NAALADL2: variants seen among roughly 807,000 people sequenced by gnomAD.
The protein encoded by NAALADL2 is inactive N-acetylated-alpha-linked acidic dipeptidase-like protein 2.
Under a neutral mutation model 87.2 loss-of-function variants are expected in NAALADL2, and 76 were observed. The ratio of observed to expected loss-of-function variants is 0.87; its 90% CI spans 0.72 to 1.05. NAALADL2 has a LOEUF of 1.05. Ranked by LOEUF, NAALADL2 falls within the 50% of genes least tolerant of loss-of-function variation. The probability of loss-of-function intolerance (pLI) is 0.00; values close to 1 mark genes in which losing one functional copy is unlikely to be tolerated. For synonymous variants in NAALADL2, 354 were observed against 331.0 expected (o/e 1.07, Z -0.75); for missense variants, 1,089 against 945.8 (o/e 1.15, Z -1.99).
chr3:175,504,553 GTC>G (rs1237353057), intron 9 of NAALADL2, among the ~76,000 whole-genome samples: 1 of 109,256 alleles, frequency 9.2e-6, no homozygotes, highest in Non-Finnish European at 2.1e-5. Flanking sequence ...CTTTCTCTCT[GTC>G]TCTCTCTGTT....
At chr3:174,938,931 A>C (rs888483642) in intron 1 of NAALADL2, among the ~76,000 whole-genome samples, 7 of 152,082 alleles carry the variant, frequency 4.6e-5, no homozygotes. Context: ...GACCTTTGTC[A>C]GGTGCAGAGT....
chr3:174,662,500 G>A (rs1245368588), intron 2 of NAALADL2, among the ~76,000 whole-genome samples: 1 of 149,944 alleles, frequency 6.7e-6, no homozygotes, highest in South Asian at 2.1e-4. Flanking sequence ...ACTATTTTTT[G>A]TTTGTGTTCT....
At chr3:174,804,811 GT>G (rs1719268510) in intron 3 of NAALADL2, among the ~76,000 whole-genome samples, 1 of 152,024 alleles carries the variant, frequency 6.6e-6, no homozygotes, top group African/African-American at 2.4e-5. Flanking sequence ...AAGGACTTAC[GT>G]TTTGAAAATT....
At chr3:174,925,611 G>T (rs1560372177) in intron 1 of NAALADL2, among the ~76,000 whole-genome samples, 1 of 152,162 alleles carries the variant, frequency 6.6e-6, no homozygotes, top group Non-Finnish European at 1.5e-5. Context: ...TGTGAAGAAA[G>T]TCATTGGTAG....
intron 1 of NAALADL2, among the ~76,000 whole-genome samples, chr3:174,902,785 G>T (rs182006117): frequency 2.3e-3 from 347 of 152,146 alleles, no homozygotes; most frequent in Middle Eastern, 0.014. Context: ...CTCAAGGAGG[G>T]CGGCACTGAT....
intron 9 of NAALADL2, among the ~76,000 whole-genome samples, chr3:175,509,545 T>C (rs1730842078): frequency 1.3e-5 from 2 of 152,252 alleles, no homozygotes; most frequent in African/African-American, 4.8e-5. Context: ...AGCTCTATTG[T>C]AGTAATGGTC....
At chr3:175,173,368 G>T (rs1735178863) in intron 2 of NAALADL2, among the ~76,000 whole-genome samples, 1 of 151,818 alleles carries the variant, frequency 6.6e-6, no homozygotes, top group African/African-American at 2.4e-5. Flanking sequence ...CAGGCATGTT[G>T]GTGTGTTCCT....
chr3:175,224,770 C>T (rs1158470711), intron 2 of NAALADL2, among the ~76,000 whole-genome samples: 2 of 152,154 alleles, frequency 1.3e-5, no homozygotes, highest in African/African-American at 2.4e-5. Flanking sequence ...AGAGATGAAG[C>T]ACGTAAATAA....
In NAALADL2 at chr3:174,449,836, G is replaced by A. The variant is rs546797380; in HGVS notation, c.-184+8804G>A. 1.4e-3 allele frequency among the ~76,000 whole-genome samples: 214 copies of A among 152,120 alleles called. 2 individuals are homozygous for A. The highest frequency in any genetic ancestry group is 4.9e-3 in the African/African-American group (203 of 41,514). On this transcript the variant is annotated intron_variant, in intron 1 of 3. Coordinates refer to the NAALADL2 transcript ENST00000434257. ...ATTCTTTTTAGGTTACCTGAATTAAGCAAAGAATTCCTGCCTCTCTTTTCA... is the reference window on the plus strand; with the variant it reads ...ATTCTTTTTAGGTTACCTGAATTAAACAAAGAATTCCTGCCTCTCTTTTCA...
At chr3:175,041,189 T>C (rs1224168488) in intron 1 of NAALADL2, among the ~76,000 whole-genome samples, 2 of 152,104 alleles carry the variant, frequency 1.3e-5, no homozygotes, top group Admixed American at 6.6e-5. Flanking sequence ...ATTAACCACA[T>C]TTGGAGTACA....
intron 1 of NAALADL2, among the ~76,000 whole-genome samples, chr3:175,019,174 T>A (rs996029545): frequency 6.6e-6 from 1 of 152,024 alleles, no homozygotes; most frequent in African/African-American, 2.4e-5. Flanking sequence ...TATGCTGCTG[T>A]TTCTGGGTCA....
intron 2 of NAALADL2, among the ~76,000 whole-genome samples, chr3:175,224,113 A>G (rs1259749053): frequency 6.6e-6 from 1 of 152,112 alleles, no homozygotes; most frequent in African/African-American, 2.4e-5. Flanking sequence ...CGCAACCTGC[A>G]GAGGTGGGGA....
Position 174,703,166 on chromosome 3 carries a change from G to C in NAALADL2, c.-114-34475G>C, listed in dbSNP as rs536941193. On this transcript the variant is annotated intron_variant, in intron 2 of 3. Coordinates refer to the NAALADL2 transcript ENST00000434257. Reference sequence around the variant, plus strand: ...TAATTTAATTATTTTTAGAGACAGGGTCTCACTTTGTTGCCCAAGGTGGAG... The same window carrying C: ...TAATTTAATTATTTTTAGAGACAGGCTCTCACTTTGTTGCCCAAGGTGGAG... Among the ~76,000 whole-genome samples the C allele has an allele frequency of 3.9e-5, 6 of 152,172 alleles. No individual in the cohort carries two copies. The South Asian group carries it at 1.2e-3, about 32-fold the overall frequency.
In NAALADL2 at chr3:175,147,249, C is replaced by T. The variant is rs184525345; in HGVS notation, c.545+49958C>T. Reference sequence around the variant, plus strand: ...AATCTTGCCATCCTCCTTTGCTCCCCGTTCTAGCACTCCCCAGTGTCTATT... The same window carrying T: ...AATCTTGCCATCCTCCTTTGCTCCCTGTTCTAGCACTCCCCAGTGTCTATT... On this transcript the variant is annotated intron_variant, in intron 2 of 13. Coordinates refer to ENST00000454872, the MANE Select transcript of NAALADL2 (RefSeq NM_207015.3). 8.9e-4 allele frequency among the ~76,000 whole-genome samples: 135 copies of T among 152,214 alleles called. 1 individual carries two copies. The highest frequency in any genetic ancestry group is 2.7e-3 in the African/African-American group (113 of 41,528).
At chr3:175,038,403 A>G (rs556418615) in intron 1 of NAALADL2, among the ~76,000 whole-genome samples, 1 of 152,320 alleles carries the variant, frequency 6.6e-6, no homozygotes, top group South Asian at 2.1e-4. Context: ...TTGAACCACA[A>G]GATTATGACC....
At chr3:174,505,815 C>G (rs1004930613) in intron 1 of NAALADL2, among the ~76,000 whole-genome samples, 1 of 152,008 alleles carries the variant, frequency 6.6e-6, no homozygotes, top group African/African-American at 2.4e-5. Context: ...TTTCTCTTGC[C>G]CAATTTGAAA....
At chr3:174,922,265 AT>A (rs1389363618) in intron 1 of NAALADL2, among the ~76,000 whole-genome samples, 2 of 151,562 alleles carry the variant, frequency 1.3e-5, no homozygotes, top group African/African-American at 4.9e-5. Context: ...AGCTGTGATC[AT>A]GCCACTGCAC....
At chr3:175,077,137 C>A (rs935752116) in intron 1 of NAALADL2, among the ~76,000 whole-genome samples, 9 of 152,168 alleles carry the variant, frequency 5.9e-5, no homozygotes, top group Admixed American at 5.9e-4. Context: ...TTATTCAGAT[C>A]TGCTCTTCTG....
At chr3:174,894,870 A>G (rs1381232767) in intron 1 of NAALADL2, among the ~76,000 whole-genome samples, 1 of 152,088 alleles carries the variant, frequency 6.6e-6, no homozygotes, top group East Asian at 1.9e-4. Flanking sequence ...ACTAGAAATA[A>G]CAAGAGGAGT....
Sources: allele counts gnomAD v4.1 joint callset (sites outside exome capture counted in the v4.1 genomes callset), GRCh38; gene constraint gnomAD v4.1.1; transcripts MANE v1.5; gene names NCBI Gene and HGNC (gene_info 2026-07-23, HGNC 2026-07-21).